Variants in ERI1 observed in about 807,000 individuals in gnomAD.
ERI1 encodes 3'-5' exoribonuclease 1.
Under a neutral mutation model 39.7 loss-of-function variants are expected in ERI1, and 39 were observed. The ratio of observed to expected loss-of-function variants is 0.98; its 90% CI spans 0.76 to 1.28. ERI1 has a LOEUF of 1.28. ERI1 is among the 50% of genes most tolerant of loss of function. ERI1 has a pLI of 0.00. For missense variants in ERI1, 581 were observed against 416.9 expected (o/e 1.39, Z -3.43); for synonymous variants, 204 against 149.6 (o/e 1.36, Z -2.65).
At chr8:9,048,270 G>A (rs1279898930) in intron 3 of ERI1, among the ~76,000 whole-genome samples, 1 of 123,294 alleles carries the variant, frequency 8.1e-6, no homozygotes, top group African/African-American at 2.5e-5. Context: ...TTGGGCATAG[G>A]GATTTGTTTT....
At chr8:9,028,273 CTG>C (rs1797327769) in intron 6 of ERI1, among the ~76,000 whole-genome samples, 1 of 152,168 alleles carries the variant, frequency 6.6e-6, no homozygotes, top group African/African-American at 2.4e-5. Flanking sequence ...TTCCGATTTT[CTG>C]TTTCTTTGTA....
chr8:9,004,244 A>C (rs1585176046), intron 1 of ERI1: 8 of 1,211,542 alleles, frequency 6.6e-6, no homozygotes, highest in Non-Finnish European at 8.4e-6. Flanking sequence ...GTAAAGAACC[A>C]CTCTTCCACC....
intron 3 of ERI1, among the ~76,000 whole-genome samples, chr8:9,081,690 G>GTTTT (rs10701231): frequency 0.27 from 39,744 of 146,174 alleles, 5,814 homozygotes; most frequent in Non-Finnish European, 0.34. Context: ...TTTTGTTTTT[G>GTTTT]TTTTTTTTTG....
At chr8:9,094,584 C>A (rs930193446) in intron 3 of ERI1, among the ~76,000 whole-genome samples, 3 of 152,212 alleles carry the variant, frequency 2.0e-5, no homozygotes, top group Admixed American at 6.5e-5. Flanking sequence ...AGCAACCCAA[C>A]TGCTCAGAAC....
At chr8:9,035,980 TGTG>T (rs769664526), downstream of ERI1, among the ~76,000 whole-genome samples, 11 of 152,220 alleles carry the variant, frequency 7.2e-5, no homozygotes, top group African/African-American at 1.9e-4. Flanking sequence ...TCACTGCTGA[TGTG>T]GTGGAAATAC....
intron 3 of ERI1, among the ~76,000 whole-genome samples, chr8:9,059,104 T>C (rs894210233): frequency 1.3e-5 from 2 of 150,934 alleles, no homozygotes; most frequent in Non-Finnish European, 3.0e-5. Context: ...GGAGTGGGGG[T>C]CATAAGGTGC....
rs1388125089 is a variant in ERI1 at position 9,032,212 on chromosome 8, C to G, written c.*2178C>G. The G allele has an allele frequency of 6.6e-6, 1 of 152,138 alleles. No individual in the cohort carries two copies. The highest frequency in any genetic ancestry group is 1.5e-5 in the Non-Finnish European group (1 of 68,034). 9.4% of individuals were successfully genotyped at this position (152,138 alleles called of 1,614,324 possible). On this transcript the variant is annotated 3_prime_UTR_variant, in exon 7 of 7. Coordinates refer to ENST00000250263, the MANE Select transcript of ERI1 (RefSeq NM_153332.4). ...GAAAGACAAATAGTACAACTTTTTA[C>G]AAGGAAACACGTAAGAGATGGATGT... is the stretch of plus-strand genomic sequence containing the variant.
At chr8:9,020,599 C>A (rs972001193) in intron 6 of ERI1, 135 bp downstream of exon 6, 27 of 575,130 alleles carry the variant, frequency 4.7e-5, no homozygotes, top group Non-Finnish European at 7.5e-5. Flanking sequence ...TCTTCAGATT[C>A]CAAATTCCTT....
At chr8:9,059,036 G>T (rs1798604815) in intron 3 of ERI1, among the ~76,000 whole-genome samples, 1 of 152,038 alleles carries the variant, frequency 6.6e-6, no homozygotes, top group Non-Finnish European at 1.5e-5. Flanking sequence ...TAGGGGTGGG[G>T]CCGTTTTATA....
intron 3 of ERI1, among the ~76,000 whole-genome samples, chr8:9,045,257 AG>A (rs1239597225): frequency 5.1e-5 from 7 of 138,044 alleles, no homozygotes; most frequent in Non-Finnish European, 9.6e-5. Context: ...AAAAAAAAAA[AG>A]TAGTAATATT....
intron 3 of ERI1, among the ~76,000 whole-genome samples, chr8:9,093,282 G>A (rs930976145): frequency 3.3e-5 from 5 of 152,158 alleles, no homozygotes; most frequent in African/African-American, 1.2e-4. Context: ...TTTTAAGAAA[G>A]TTTATGAATC....
chr8:9,062,059 G>C (rs1392489026), intron 3 of ERI1, among the ~76,000 whole-genome samples: 1 of 152,180 alleles, frequency 6.6e-6, no homozygotes, highest in African/African-American at 2.4e-5. Flanking sequence ...TGTAAACTTT[G>C]TCTGGTTTTA....
At chr8:9,073,426 G>C (rs1481543391) in intron 3 of ERI1, among the ~76,000 whole-genome samples, 2 of 152,180 alleles carry the variant, frequency 1.3e-5, no homozygotes, top group Non-Finnish European at 2.9e-5. Context: ...GGGTGTCTGG[G>C]GGGAGGTTAC....
At chr8:9,022,726 G>A (rs1363051224) in intron 6 of ERI1, among the ~76,000 whole-genome samples, 2 of 151,962 alleles carry the variant, frequency 1.3e-5, no homozygotes, top group Non-Finnish European at 2.9e-5. Flanking sequence ...TTGTGTTTTT[G>A]AACTCATTTT....
chr8:9,035,306 C>G (rs1797807767), downstream of ERI1, among the ~76,000 whole-genome samples: 1 of 152,208 alleles, frequency 6.6e-6, no homozygotes, highest in Non-Finnish European at 1.5e-5. Flanking sequence ...ACATCTAGGA[C>G]TTTGATAGCT....
At chr8:9,063,943 G>A (rs1798784021) in intron 3 of ERI1, among the ~76,000 whole-genome samples, 1 of 152,026 alleles carries the variant, frequency 6.6e-6, no homozygotes, top group Non-Finnish European at 1.5e-5. Flanking sequence ...TGCCCATAGT[G>A]AAGGAGGCAA....
chr8:9,008,877 C>G (rs1440523849), intron 2 of ERI1, among the ~76,000 whole-genome samples: 6 of 152,138 alleles, frequency 3.9e-5, no homozygotes, highest in Non-Finnish European at 8.8e-5. Flanking sequence ...TTCAAGACAT[C>G]TCTGAATCAT....
At chr8:9,021,668 C>A (rs1011221622) in intron 6 of ERI1, among the ~76,000 whole-genome samples, 1 of 151,772 alleles carries the variant, frequency 6.6e-6, no homozygotes, top group Non-Finnish European at 1.5e-5. Flanking sequence ...TCTTATTATT[C>A]CTTATAGCTT....
intron 1 of ERI1, among the ~76,000 whole-genome samples, chr8:9,006,229 A>G (rs1015496867): frequency 4.6e-5 from 7 of 150,920 alleles, no homozygotes; most frequent in South Asian, 4.2e-4. Context: ...GGGAGGAGAC[A>G]CTGCTTTCTG....
Sources: allele counts gnomAD v4.1 joint callset (sites outside exome capture counted in the v4.1 genomes callset), GRCh38; gene constraint gnomAD v4.1.1; transcripts MANE v1.5; gene names NCBI Gene and HGNC (gene_info 2026-07-23, HGNC 2026-07-21).